The following GALNT1 variants were observed in gnomAD, a reference collection of about 807,000 sequenced individuals.
GALNT1 encodes polypeptide N-acetylgalactosaminyltransferase 1.
GALNT1 carries 17 observed loss-of-function variants against 65.7 expected under a neutral mutation model. The observed-to-expected ratio is 0.26, with a 90% CI of 0.18 to 0.39. GALNT1 has a LOEUF of 0.39. GALNT1 is among the 10% of genes least tolerant of loss of function. The probability of loss-of-function intolerance (pLI) is 1.00; values close to 1 mark genes in which losing one functional copy is unlikely to be tolerated. For missense variants in GALNT1, 460 were observed against 672.8 expected (o/e 0.68, Z 3.50); for synonymous variants, 210 against 219.7 (o/e 0.96, Z 0.39).
At chr18:35,627,205 G>A (rs1250729352) in intron 1 of GALNT1, among the ~76,000 whole-genome samples, 1 of 152,188 alleles carries the variant, frequency 6.6e-6, no homozygotes, top group Admixed American at 6.5e-5. Flanking sequence ...CTTGGCATTG[G>A]ATCTCAGTAA....
At chr18:35,656,292 T>C (rs1040886175) in intron 2 of GALNT1, among the ~76,000 whole-genome samples, 1 of 152,206 alleles carries the variant, frequency 6.6e-6, no homozygotes, top group African/African-American at 2.4e-5. Context: ...CTTTTATATG[T>C]GCTGGGCAAG....
At chr18:35,669,065 C>A (rs1011790172) in intron 3 of GALNT1, among the ~76,000 whole-genome samples, 1 of 152,168 alleles carries the variant, frequency 6.6e-6, no homozygotes, top group African/African-American at 2.4e-5. Flanking sequence ...CATGGTGAAA[C>A]CCTGTCTCTA....
chr18:35,655,155 C>A (rs1285765969), intron 2 of GALNT1, among the ~76,000 whole-genome samples: 1 of 151,990 alleles, frequency 6.6e-6, no homozygotes, highest in Non-Finnish European at 1.5e-5. Flanking sequence ...ATTAAAATTG[C>A]ATTATAAGGT....
intron 1 of GALNT1, among the ~76,000 whole-genome samples, chr18:35,589,065 G>A (rs952166601): frequency 3.9e-5 from 6 of 152,268 alleles, no homozygotes; most frequent in Non-Finnish European, 7.4e-5. Flanking sequence ...CCACCCTGGC[G>A]GGGGAAGGTT....
intron 2 of GALNT1, among the ~76,000 whole-genome samples, chr18:35,660,126 A>G (rs1293477112): frequency 6.6e-6 from 1 of 152,198 alleles, no homozygotes; most frequent in Non-Finnish European, 1.5e-5. Context: ...AATATAGTGC[A>G]TAAGGACAGT....
At chr18:35,630,488 A>G (rs2046991083) in intron 1 of GALNT1, among the ~76,000 whole-genome samples, 1 of 152,182 alleles carries the variant, frequency 6.6e-6, no homozygotes, top group South Asian at 2.1e-4. Flanking sequence ...AGAAATAAAG[A>G]TGTTCTTTGA....
intron 1 of GALNT1, among the ~76,000 whole-genome samples, chr18:35,648,667 C>A (rs1363586336): frequency 2.6e-5 from 4 of 152,146 alleles, no homozygotes; most frequent in African/African-American, 9.7e-5. Context: ...AAACATAAAA[C>A]AGTTTCTCTC....
rs1238877419 is a variant in GALNT1, at chr18:35,621,553, A to G, written c.-103-33007A>G. On this transcript the variant is annotated intron_variant, in intron 1 of 11. Coordinates refer to ENST00000269195, the MANE Select transcript of GALNT1 (RefSeq NM_020474.4). ...TTCTGATACTAATCTTTTGTTCATTATCTGTATGTATCTGAATATTTCTTC... is the reference window on the plus strand; with the variant it reads ...TTCTGATACTAATCTTTTGTTCATTGTCTGTATGTATCTGAATATTTCTTC... 6.1e-4 allele frequency among the ~76,000 whole-genome samples: 76 copies of G among 125,114 alleles called. 1 individual carries two copies. Among genetic ancestry groups the G allele is most frequent in the African/African-American group, 2.6e-3 (75 of 29,074 alleles). 82.1% of individuals were successfully genotyped at this position (125,114 alleles called of 152,430 possible). A position where few individuals can be genotyped will look rare whatever the true frequency, so the allele number is the denominator to read the frequency against.
At chr18:35,652,883 A>C (rs2047328853) in intron 1 of GALNT1, among the ~76,000 whole-genome samples, 3 of 152,206 alleles carry the variant, frequency 2.0e-5, no homozygotes, top group Admixed American at 2.0e-4. Flanking sequence ...CATTTTTTTC[A>C]AATAGGATTT....
chr18:35,640,801 C>T (rs1243383800), intron 1 of GALNT1, among the ~76,000 whole-genome samples: 1 of 152,210 alleles, frequency 6.6e-6, no homozygotes, highest in Non-Finnish European at 1.5e-5. Context: ...GTTGGTATTA[C>T]ACTCCTTTAG....
chr18:35,604,161 T>G (rs2046616668), intron 1 of GALNT1, among the ~76,000 whole-genome samples: 1 of 152,094 alleles, frequency 6.6e-6, no homozygotes, highest in South Asian at 2.1e-4. Context: ...CTCCCACTTA[T>G]AAGAACATGT....
chr18:35,635,519 A>G (rs1395513232), intron 1 of GALNT1, among the ~76,000 whole-genome samples: 1 of 152,230 alleles, frequency 6.6e-6, no homozygotes, highest in Non-Finnish European at 1.5e-5. Flanking sequence ...GGCTAGGGTC[A>G]TTGCCGTGAC....
At chr18:35,636,838 C>T (rs1217825652) in intron 1 of GALNT1, among the ~76,000 whole-genome samples, 1 of 128,964 alleles carries the variant, frequency 7.8e-6, no homozygotes, top group African/African-American at 2.9e-5. Context: ...GGCAACCCTA[C>T]ACTGAAAAAG....
Position 35,652,108 on chromosome 18 carries a change from C to T in GALNT1, c.-103-2452C>T, listed in dbSNP as rs531746059. On this transcript the variant is annotated intron_variant, in intron 1 of 11. Coordinates refer to ENST00000269195, the MANE Select transcript of GALNT1 (RefSeq NM_020474.4). Reference sequence around the variant, plus strand: ...TATTTGCTCTTCACCAGATTTCTTCCTGGTACGGTTATGATCTCAAAGAAA... The same window carrying T: ...TATTTGCTCTTCACCAGATTTCTTCTTGGTACGGTTATGATCTCAAAGAAA... Among the ~76,000 whole-genome samples the T allele has an allele frequency of 2.0e-5, 3 of 151,994 alleles. No homozygotes were observed. The South Asian group carries it at 6.2e-4, about 32-fold the overall frequency.
At chr18:35,655,169 A>C (rs953924252) in intron 2 of GALNT1, among the ~76,000 whole-genome samples, 5 of 152,114 alleles carry the variant, frequency 3.3e-5, no homozygotes, top group African/African-American at 9.7e-5. Context: ...ATAAGGTATC[A>C]AAAGAGATTA....
chr18:35,691,288 G>A, intron 8 of GALNT1, 96 bp downstream of exon 8: 1 of 1,037,248 alleles, frequency 9.6e-7, no homozygotes, highest in Non-Finnish European at 1.4e-6. Flanking sequence ...GCTTTGAGCA[G>A]AGGTGAACAC....
chr18:35,623,077 A>G (rs1049852299), intron 1 of GALNT1, among the ~76,000 whole-genome samples: 3 of 152,184 alleles, frequency 2.0e-5, no homozygotes, highest in South Asian at 2.1e-4. Context: ...TTAATTGGGT[A>G]TACATCTTTT....
chr18:35,609,741 A>T (rs2046693302), intron 1 of GALNT1, among the ~76,000 whole-genome samples: 1 of 152,290 alleles, frequency 6.6e-6, no homozygotes, highest in East Asian at 1.9e-4. Context: ...GTGGATTTTT[A>T]AAAAATATTG....
At chr18:35,666,506 A>G (rs917660421) in intron 3 of GALNT1, among the ~76,000 whole-genome samples, 1 of 152,228 alleles carries the variant, frequency 6.6e-6, no homozygotes, top group African/African-American at 2.4e-5. Flanking sequence ...TTACTTCAAG[A>G]GCCTCAATCA....
Sources: allele counts gnomAD v4.1 joint callset (sites outside exome capture counted in the v4.1 genomes callset), GRCh38; gene constraint gnomAD v4.1.1; transcripts MANE v1.5; gene names NCBI Gene and HGNC (gene_info 2026-07-23, HGNC 2026-07-21).